The following NDST4 variants were observed in gnomAD, a reference collection of about 807,000 sequenced individuals.
NDST4 encodes the protein N-deacetylase and N-sulfotransferase 4.
Under a neutral mutation model 100.8 loss-of-function variants are expected in NDST4, and 63 were observed. The ratio of observed to expected loss-of-function variants is 0.62; its 90% CI spans 0.51 to 0.77. The LOEUF (loss-of-function observed/expected upper bound fraction) is 0.77, where lower values mean the gene tolerates loss of function less well. Ranked by LOEUF, NDST4 falls within the 30% of genes least tolerant of loss-of-function variation. NDST4 has a pLI of 0.00. For missense variants in NDST4, 943 were observed against 1,018.4 expected, an observed-to-expected ratio of 0.93 and a Z score of 1.01; for synonymous variants, 377 against 361.8, an observed-to-expected ratio of 1.04 and a Z score of -0.48.
intron 7 of NDST4, among the ~76,000 whole-genome samples, chr4:114,854,319 A>G (rs887164626): frequency 4.6e-5 from 7 of 152,184 alleles, no homozygotes; most frequent in Non-Finnish European, 1.5e-5. Context: ...ATTCTTTTTC[A>G]TGGCTGAATA....
chr4:115,012,708 G>A (rs963358709), intron 2 of NDST4, among the ~76,000 whole-genome samples: 1 of 150,458 alleles, frequency 6.6e-6, no homozygotes, highest in African/African-American at 2.4e-5. Context: ...CAAAAGAAAG[G>A]AAATCAGTAC....
At chr4:115,101,040 G>C (rs1729719748) in intron 1 of NDST4, among the ~76,000 whole-genome samples, 1 of 151,292 alleles carries the variant, frequency 6.6e-6, no homozygotes, top group Admixed American at 6.6e-5. Flanking sequence ...TGGATGTAGA[G>C]GAAAAAAAAA....
intron 4 of NDST4, among the ~76,000 whole-genome samples, chr4:114,965,367 C>G (rs973774191): frequency 6.6e-6 from 1 of 151,962 alleles, no homozygotes; most frequent in South Asian, 2.1e-4. Flanking sequence ...CCTATTATGA[C>G]ACTTAAGGAT....
chr4:115,102,357 A>T (rs1729747961), intron 1 of NDST4, among the ~76,000 whole-genome samples: 2 of 152,186 alleles, frequency 1.3e-5, no homozygotes, highest in Non-Finnish European at 2.9e-5. Flanking sequence ...GCATAAATAA[A>T]GGAGAGAGAA....
At chr4:114,903,817 T>C (rs1459531160) in intron 6 of NDST4, among the ~76,000 whole-genome samples, 1 of 152,014 alleles carries the variant, frequency 6.6e-6, no homozygotes, top group African/African-American at 2.4e-5. Context: ...GTGAATCACT[T>C]GTGATCTGAA....
intron 6 of NDST4, 41 bp downstream of exon 6, chr4:114,935,165 A>C: frequency 7.2e-7 from 1 of 1,383,448 alleles, no homozygotes; most frequent in Non-Finnish European, 9.5e-7. Context: ...CACATTTAAA[A>C]ATGCTAATCT....
chr4:115,054,231 A>G (rs956695048), intron 2 of NDST4, among the ~76,000 whole-genome samples: 2 of 152,110 alleles, frequency 1.3e-5, no homozygotes, highest in Non-Finnish European at 2.9e-5. Flanking sequence ...AAAACTAGAC[A>G]AAGAAACAGA....
chr4:114,942,901 G>A (rs1057110095), intron 4 of NDST4, among the ~76,000 whole-genome samples: 2 of 150,578 alleles, frequency 1.3e-5, no homozygotes, highest in African/African-American at 4.9e-5. Flanking sequence ...CCTGATCAAT[G>A]GTTATTATGA....
chr4:115,111,509 C>T (rs1297529516), intron 1 of NDST4, among the ~76,000 whole-genome samples: 3 of 151,492 alleles, frequency 2.0e-5, no homozygotes, highest in African/African-American at 7.3e-5. Context: ...TAAAATTACA[C>T]ATTTCTTAAA....
intron 2 of NDST4, among the ~76,000 whole-genome samples, chr4:114,978,742 C>T (rs1423311346): frequency 6.6e-6 from 1 of 151,702 alleles, no homozygotes. Flanking sequence ...ATTTCTTAGT[C>T]TCCTTATCTT....
intron 1 of NDST4, among the ~76,000 whole-genome samples, chr4:115,107,302 C>A (rs1729851559): frequency 1.3e-5 from 2 of 152,034 alleles, no homozygotes; most frequent in South Asian, 4.1e-4. Flanking sequence ...AAAGGTGAGA[C>A]TTCTATTTTC....
At chr4:114,997,633 C>A (rs1296950612) in intron 2 of NDST4, among the ~76,000 whole-genome samples, 1 of 152,010 alleles carries the variant, frequency 6.6e-6, no homozygotes, top group African/African-American at 2.4e-5. Flanking sequence ...TAACTTCCTG[C>A]AAGATAGTAA....
At chr4:114,858,910 G>A (rs967264402) in intron 7 of NDST4, among the ~76,000 whole-genome samples, 1 of 152,170 alleles carries the variant, frequency 6.6e-6, no homozygotes, top group African/African-American at 2.4e-5. Context: ...GGCAGACATG[G>A]AAATGAGTTA....
At chr4:114,986,354 C>T (rs79714359) in intron 2 of NDST4, among the ~76,000 whole-genome samples, 2,945 of 152,168 alleles carry the variant, frequency 0.019, 102 homozygotes, top group African/African-American at 0.066. Flanking sequence ...GGATGTGTCT[C>T]GTGCCCTAAA....
In NDST4 at chr4:114,897,030, C is replaced by T. The variant is rs55781620; in HGVS notation, c.1537-26080G>A. On this transcript the variant is annotated intron_variant, in intron 6 of 13. Coordinates refer to ENST00000264363, the MANE Select transcript of NDST4 (RefSeq NM_022569.3). The stretch of plus-strand genomic sequence containing the variant: ...ATAGACTATCCCATTATCAATATCC[C>T]CTATGAGAGTGGTACAATTTTTATG... Among the ~76,000 whole-genome samples, 1,294 of 152,170 alleles carry T rather than the reference C, an allele frequency of 8.5e-3. 18 individuals are homozygous for T. The highest frequency in any genetic ancestry group is 0.029 in the African/African-American group (1,199 of 41,518).
chr4:114,858,071 A>G (rs1048140785), intron 7 of NDST4, among the ~76,000 whole-genome samples: 8 of 152,174 alleles, frequency 5.3e-5, no homozygotes, highest in African/African-American at 1.4e-4. Context: ...TAGAGTAACC[A>G]TGGCAGCACA....
At chr4:114,949,824 T>C (rs1010032588) in intron 4 of NDST4, among the ~76,000 whole-genome samples, 1 of 152,066 alleles carries the variant, frequency 6.6e-6, no homozygotes, top group Non-Finnish European at 1.5e-5. Context: ...TTTGGCTTTA[T>C]TGAGTAAGCA....
chr4:114,954,532 G>T (rs879672139), intron 4 of NDST4, among the ~76,000 whole-genome samples: 1 of 152,106 alleles, frequency 6.6e-6, no homozygotes, highest in Admixed American at 6.6e-5. Flanking sequence ...GATAAGACTA[G>T]AAGATAAGTA....
At position 114,860,715 on chromosome 4, in the gene NDST4, T is replaced by C. The variant is rs550439163; in HGVS notation, c.1720-7894A>G. Among the ~76,000 whole-genome samples the C allele has an allele frequency of 2.6e-5, 4 of 152,346 alleles. No individual in the cohort carries two copies. The East Asian group carries it at 7.7e-4, about 29-fold the overall frequency. Reference sequence around the variant, plus strand: ...TACATGAGTGAGAAATACATCTTCATTTTATTTAGCCAATGTATTTTTGAA... The same window carrying C: ...TACATGAGTGAGAAATACATCTTCACTTTATTTAGCCAATGTATTTTTGAA... On this transcript the variant is annotated intron_variant, in intron 7 of 13. Transcript: ENST00000264363.
Sources: gnomAD v4.1 joint callset for allele counts (sites outside exome capture counted in the v4.1 genomes callset) on GRCh38, gnomAD v4.1.1 for gene constraint, MANE v1.5 for transcripts, NCBI Gene and HGNC (gene_info 2026-07-23, HGNC 2026-07-21) for gene names.